PAX3: variants seen among roughly 807,000 people sequenced by gnomAD.
PAX3 encodes paired box protein Pax-3.
Under a neutral mutation model 51.6 loss-of-function variants are expected in PAX3, and 14 were observed. The observed-to-expected ratio is 0.27, with a 90% CI of 0.18 to 0.42. PAX3 has a LOEUF of 0.42. Among genes scored for constraint, PAX3 ranks in the 10% least tolerant of loss-of-function variants. PAX3 has a pLI of 1.00. For missense variants in PAX3, 540 were observed against 642.8 expected, an observed-to-expected ratio of 0.84 and a Z score of 1.73; for synonymous variants, 280 against 253.4, an observed-to-expected ratio of 1.11 and a Z score of -1.00.
At chr2:222,214,379 T>C (rs552265035) in intron 7 of PAX3, 1 of 152,308 alleles carries the variant, frequency 6.6e-6, no homozygotes, top group South Asian at 2.1e-4. Flanking sequence ...ATATGCAATT[T>C]ACATACATTA....
chr2:222,214,270 T>C (rs949380715), intron 7 of PAX3: 5 of 152,206 alleles, frequency 3.3e-5, no homozygotes, highest in African/African-American at 1.2e-4. Flanking sequence ...AAAGGAACTG[T>C]GCTGAGCAAT....
chr2:222,243,772 G>A (rs942604753), intron 4 of PAX3, among the ~76,000 whole-genome samples: 1 of 152,218 alleles, frequency 6.6e-6, no homozygotes, highest in Non-Finnish European at 1.5e-5. Context: ...CAGGAAGCTT[G>A]TTTTGAAAAT....
At chr2:222,264,774 C>T (rs1256224935) in intron 4 of PAX3, 2 of 152,190 alleles carry the variant, frequency 1.3e-5, no homozygotes, top group Non-Finnish European at 2.9e-5. Flanking sequence ...AATGCTCCTA[C>T]AAAATGGTCA....
intron 5 of PAX3, among the ~76,000 whole-genome samples, chr2:222,230,209 G>A (rs892334326): frequency 3.3e-5 from 5 of 151,816 alleles, no homozygotes; most frequent in Non-Finnish European, 7.4e-5. Context: ...CCTTCTTCAT[G>A]TACCTCTCTT....
chr2:222,255,569 A>G (rs6724843), intron 4 of PAX3, among the ~76,000 whole-genome samples: 115,437 of 152,104 alleles, frequency 0.76, 44,406 homozygotes, highest in East Asian at 0.98. Context: ...CATGTCAGCC[A>G]GTCAGTGTTC....
At chr2:222,286,151 T>C (rs1694826908) in intron 4 of PAX3, among the ~76,000 whole-genome samples, 1 of 152,240 alleles carries the variant, frequency 6.6e-6, no homozygotes, top group Admixed American at 6.5e-5. Flanking sequence ...TTGGCCAGGC[T>C]GGTCTCAAAC....
intron 4 of PAX3, among the ~76,000 whole-genome samples, chr2:222,273,947 A>G (rs752490258): frequency 2.0e-5 from 3 of 152,164 alleles, no homozygotes; most frequent in Non-Finnish European, 4.4e-5. Context: ...GCAGGTATAA[A>G]TTGTAATCTG....
intron 4 of PAX3, among the ~76,000 whole-genome samples, chr2:222,285,572 G>A (rs746179509): frequency 6.6e-6 from 1 of 152,216 alleles, no homozygotes; most frequent in African/African-American, 2.4e-5. Context: ...TATTTAAAAT[G>A]CAAATGTGTA....
Position 222,220,203 on chromosome 2 carries a change from A to G in PAX3, c.1110T>C (p.Phe370=), listed in dbSNP as rs759065284. Residue 370 remains phenylalanine, a synonymous_variant, in exon 7 of 9, where the codon TTT becomes TTC. Coordinates refer to ENST00000392070, the MANE Select transcript of PAX3 (RefSeq NM_181458.4). ...RHGFSSYTDS[F]VPPSGPSNPM... ...GGTTGGAGGGCCCCGACGGAGGCAC[A>G]AAGCTGTCTGTATAGCTGGAAAATC... 1.5e-5 allele frequency: 24 copies of G among 1,613,878 alleles called. No individual in the cohort carries two copies. The highest frequency in any genetic ancestry group is 1.9e-5 in the Non-Finnish European group (23 of 1,179,972).
intron 5 of PAX3, among the ~76,000 whole-genome samples, chr2:222,224,079 T>G (rs566940445): frequency 2.6e-5 from 4 of 151,820 alleles, no homozygotes; most frequent in Admixed American, 6.6e-5. Context: ...CCAAACAGAG[T>G]AAGAGTATAA....
chr2:222,234,665 G>A (rs1692733054), intron 4 of PAX3, among the ~76,000 whole-genome samples: 1 of 152,174 alleles, frequency 6.6e-6, no homozygotes. Context: ...CCAGGTGATT[G>A]ATGCTGATTC....
intron 4 of PAX3, among the ~76,000 whole-genome samples, chr2:222,242,106 A>G (rs188545891): frequency 1.1e-3 from 172 of 152,290 alleles, no homozygotes; most frequent in South Asian, 2.5e-3. Context: ...TTTAATAGGG[A>G]AAGAAAAACC....
At position 222,295,284 on chromosome 2, in the gene PAX3, G is replaced by T. The variant is rs368254364; in HGVS notation, c.451+244C>A. 1.2e-4 allele frequency among the ~76,000 whole-genome samples: 19 copies of T among 152,268 alleles called. No homozygotes were observed. In the South Asian group the frequency reaches 3.5e-3, roughly 28 times the overall value. On this transcript the variant is annotated intron_variant, in intron 3 of 8. Coordinates refer to ENST00000392070, the MANE Select transcript of PAX3 (RefSeq NM_181458.4). ...CTCACGTTTCCTGCCCTGCCTCCTC[G>T]ACAGAAATCTTCTTTGGGGCGTCCT...
chr2:222,209,192 A>C (rs1289054884), intron 7 of PAX3, among the ~76,000 whole-genome samples: 1 of 152,212 alleles, frequency 6.6e-6, no homozygotes, highest in African/African-American at 2.4e-5. Context: ...ATGGTTGTCC[A>C]GCTCAACAAG....
chr2:222,204,049 G>A, intron 7 of PAX3, among the ~76,000 whole-genome samples: 1 of 152,102 alleles, frequency 6.6e-6, no homozygotes, highest in East Asian at 1.9e-4. Flanking sequence ...GATTTTTTGA[G>A]ATATGTGGTA....
chr2:222,258,447 C>A (rs533714295), intron 4 of PAX3, among the ~76,000 whole-genome samples: 1 of 152,236 alleles, frequency 6.6e-6, no homozygotes, highest in African/African-American at 2.4e-5. Context: ...AATCTGAATA[C>A]ATTATCACAA....
intron 4 of PAX3, among the ~76,000 whole-genome samples, chr2:222,286,329 T>G (rs1391396925): frequency 2.6e-5 from 4 of 152,244 alleles, no homozygotes; most frequent in Non-Finnish European, 4.4e-5. Context: ...ATTCACATAC[T>G]ATTACAGATA....
chr2:222,260,589 T>G (rs1693820714), intron 4 of PAX3, among the ~76,000 whole-genome samples: 6 of 53,894 alleles, frequency 1.1e-4, no homozygotes, highest in Admixed American at 5.6e-4. Context: ...TTTTTTTTTT[T>G]TGTTTTTTTT....
chr2:222,298,677 G>T lies in PAX3; in HGVS notation c.-62C>A, dbSNP rs1210750679. On this transcript the variant is annotated 5_prime_UTR_variant, in exon 1 of 9. Coordinates refer to ENST00000392070, the MANE Select transcript of PAX3 (RefSeq NM_181458.4). Reference sequence around the variant, plus strand: ...GAAGGCGAAACGGAAAGGCGAGTGCGGCGCGGATGACCCTCGGGAACTATC... The same window carrying T: ...GAAGGCGAAACGGAAAGGCGAGTGCTGCGCGGATGACCCTCGGGAACTATC... 2.3e-5 allele frequency: 34 copies of T among 1,463,274 alleles called. No homozygotes were observed. The highest frequency in any genetic ancestry group is 3.6e-5 in the South Asian group (3 of 82,580). 90.6% of individuals were successfully genotyped at this position (1,463,274 alleles called of 1,614,324 possible). A position where few individuals can be genotyped will look rare whatever the true frequency, so the allele number is the denominator to read the frequency against.
Sources: allele counts gnomAD v4.1 joint callset (sites outside exome capture counted in the v4.1 genomes callset), GRCh38; gene constraint gnomAD v4.1.1; transcripts MANE v1.5; gene names NCBI Gene and HGNC (gene_info 2026-07-23, HGNC 2026-07-21).